DENND4C: variants seen among roughly 807,000 people sequenced by gnomAD.
DENND4C encodes the protein DENN domain-containing protein 4C.
A neutral mutation model predicts 203.0 loss-of-function variants in DENND4C; 108 were observed. The ratio of observed to expected loss-of-function variants is 0.53; its 90% CI spans 0.46 to 0.62. The LOEUF is 0.62. Among genes scored for constraint, DENND4C ranks in the 20% least tolerant of loss-of-function variants. The pLI, the probability that DENND4C is intolerant of heterozygous loss-of-function variation, is 0.00. For synonymous variants in DENND4C, 871 were observed against 792.4 expected (o/e 1.10, Z -1.67); for missense variants, 2,481 against 2,301.2 (o/e 1.08, Z -1.60).
intron 32 of DENND4C, 101 bp downstream of exon 32, chr9:19,371,921 T>A (rs1828910680): frequency 1.5e-6 from 2 of 1,316,988 alleles, no homozygotes; most frequent in African/African-American, 3.0e-5. Flanking sequence ...TTTAAAAGAT[T>A]TCTACTTCTA....
intron 1 of DENND4C, among the ~76,000 whole-genome samples, chr9:19,257,959 GA>G (rs1828393453): frequency 6.6e-6 from 1 of 152,010 alleles, no homozygotes; most frequent in African/African-American, 2.4e-5. Flanking sequence ...CTCATCTCCA[GA>G]AAAATAAATT....
At chr9:19,336,203 A>ATATG in intron 18 of DENND4C, 67 bp from the exon 19 acceptor site, 1 of 1,424,612 alleles carries the variant, frequency 7.0e-7, no homozygotes, top group Non-Finnish European at 9.6e-7. Flanking sequence ...ACACACACAT[A>ATATG]TATGTATGTA....
At chr9:19,359,578 C>T (rs1459961796) in intron 28 of DENND4C, among the ~76,000 whole-genome samples, 1 of 151,696 alleles carries the variant, frequency 6.6e-6, no homozygotes, top group Non-Finnish European at 1.5e-5. Context: ...CTTTCTTACC[C>T]AGACCTAGAA....
chr9:19,343,424 T>A (rs1822115697), intron 22 of DENND4C, among the ~76,000 whole-genome samples: 1 of 152,254 alleles, frequency 6.6e-6, no homozygotes, highest in South Asian at 2.1e-4. Flanking sequence ...TCCTTTGCCC[T>A]TCATTAGTGG....
chr9:19,339,452 TGTCTGTTATTTCCTAGTGTTTAG>T (rs1189171178), intron 20 of DENND4C, among the ~76,000 whole-genome samples: 1 of 152,184 alleles, frequency 6.6e-6, no homozygotes, highest in African/African-American at 2.4e-5. Flanking sequence ...AACTTAGGTT[TGTCTGTTATTTCCTAGTGTTTAG>T]GTTATGCATC....
chr9:19,334,579 G>C (rs951851047), intron 17 of DENND4C, among the ~76,000 whole-genome samples: 4 of 147,520 alleles, frequency 2.7e-5, no homozygotes, highest in African/African-American at 1.0e-4. Context: ...AGGCTGGAGT[G>C]CAGTGGCGTG....
At chr9:19,251,422 T>C (rs1465769500) in intron 1 of DENND4C, among the ~76,000 whole-genome samples, 1 of 152,250 alleles carries the variant, frequency 6.6e-6, no homozygotes, top group Non-Finnish European at 1.5e-5. Flanking sequence ...TGGGAGAGGC[T>C]GCTGTGAAGA....
rs868461975 is a variant in DENND4C at position 19,264,137 on chromosome 9, T to C, written c.-17-12021T>C. Among the ~76,000 whole-genome samples the C allele has an allele frequency of 2.0e-5, 3 of 152,306 alleles. No homozygotes were observed. In the Middle Eastern group the frequency reaches 0.01, roughly 518 times the overall value. ...GTGAAGCCATTAGGTCCTGGGCTTT[T>C]CTTGGCTGGGAGACTTCTTACTACT... On this transcript the variant is annotated intron_variant, in intron 1 of 32. Transcript: ENST00000434457.
intron 12 of DENND4C, among the ~76,000 whole-genome samples, chr9:19,322,487 C>T (rs938423765): frequency 2.0e-5 from 3 of 151,660 alleles, no homozygotes; most frequent in Non-Finnish European, 1.5e-5. Flanking sequence ...GGAGGCCAGG[C>T]GCGGTGGCTC....
intron 1 of DENND4C, among the ~76,000 whole-genome samples, chr9:19,249,258 T>G (rs1825980566): frequency 7.0e-6 from 1 of 143,818 alleles, no homozygotes; most frequent in African/African-American, 2.5e-5. Context: ...GTAATTTTTG[T>G]TTTTTTTTTT....
At chr9:19,257,997 G>T (rs148838966) in intron 1 of DENND4C, among the ~76,000 whole-genome samples, 227 of 152,076 alleles carry the variant, frequency 1.5e-3, no homozygotes, top group Middle Eastern at 0.01. Flanking sequence ...TCATGTCCAC[G>T]GTACCAGCTA....
chr9:19,259,862 G>A (rs1049283964), intron 1 of DENND4C, among the ~76,000 whole-genome samples: 13 of 152,180 alleles, frequency 8.5e-5, no homozygotes, highest in South Asian at 4.1e-4. Context: ...GGGTTGCTAA[G>A]TTGAAGCAAC....
chr9:19,303,182 ATTTC>A (rs1838950819), intron 9 of DENND4C, among the ~76,000 whole-genome samples: 1 of 151,934 alleles, frequency 6.6e-6, no homozygotes, highest in Non-Finnish European at 1.5e-5. Flanking sequence ...TCTGTGAGCA[ATTTC>A]TTTTCTGTGT....
At chr9:19,298,696 T>C (rs1397824960) in intron 7 of DENND4C, among the ~76,000 whole-genome samples, 1 of 152,170 alleles carries the variant, frequency 6.6e-6, no homozygotes, top group Non-Finnish European at 1.5e-5. Flanking sequence ...TTCATTTATA[T>C]ACTGTATCTT....
intron 3 of DENND4C, 113 bp downstream of exon 3, chr9:19,287,134 G>A (rs1588845679): frequency 1.0e-6 from 1 of 981,398 alleles, no homozygotes; most frequent in African/African-American, 1.7e-5. Flanking sequence ...CATGATGCTT[G>A]TTTTTATTTT....
chr9:19,287,749 T>C (rs1463957899), intron 3 of DENND4C, among the ~76,000 whole-genome samples: 1 of 152,056 alleles, frequency 6.6e-6, no homozygotes, highest in African/African-American at 2.4e-5. Flanking sequence ...ATTTTTTTTT[T>C]TCAGACGGAG....
intron 15 of DENND4C, among the ~76,000 whole-genome samples, chr9:19,327,310 G>C (rs1453483521): frequency 6.6e-6 from 1 of 151,958 alleles, no homozygotes; most frequent in African/African-American, 2.4e-5. Context: ...ATGGTTTTTT[G>C]CATTCAAAGA....
At chr9:19,362,154 G>C (rs190504577) in intron 30 of DENND4C, among the ~76,000 whole-genome samples, 191 bp downstream of exon 30, 125 of 152,182 alleles carry the variant, frequency 8.2e-4, no homozygotes, top group Middle Eastern at 6.8e-3. Flanking sequence ...GGTGCCTGTA[G>C]TCCCAGCTAC....
At position 19,323,417 on chromosome 9, in the gene DENND4C, T is replaced by C. The variant is rs577819696; in HGVS notation, c.1808-945T>C. Among the ~76,000 whole-genome samples the C allele has an allele frequency of 1.0e-4, 15 of 146,662 alleles. No homozygotes were observed. The East Asian group carries it at 2.8e-3, about 27-fold the overall frequency. The stretch of plus-strand genomic sequence containing the variant: ...TGCACTCCAGCCTGGGCGACAGAGC[T>C]AGACTCTGTCTGGAAAAAAAAAAAA... On this transcript the variant is annotated intron_variant, in intron 12 of 32. Transcript: ENST00000434457.
Sources: allele counts gnomAD v4.1 joint callset (sites outside exome capture counted in the v4.1 genomes callset), GRCh38; gene constraint gnomAD v4.1.1; transcripts MANE v1.5; gene names NCBI Gene and HGNC (gene_info 2026-07-23, HGNC 2026-07-21).